Variants in NETO1 observed in about 807,000 individuals in gnomAD.
The protein encoded by NETO1 is neuropilin and tolloid like 1.
Under a neutral mutation model 61.3 loss-of-function variants are expected in NETO1, and 26 were observed. The ratio of observed to expected loss-of-function variants is 0.42; its 90% CI spans 0.31 to 0.59. NETO1 has a LOEUF of 0.59. NETO1 is among the 20% of genes least tolerant of loss of function. The pLI is 0.12. For missense variants in NETO1, 531 were observed against 662.8 expected (o/e 0.80, Z 2.18); for synonymous variants, 225 against 225.8 (o/e 1.00, Z 0.03).
intron 7 of NETO1, among the ~76,000 whole-genome samples, chr18:72,774,230 G>A (rs2071471021): frequency 6.6e-6 from 1 of 152,098 alleles, no homozygotes; most frequent in Non-Finnish European, 1.5e-5. Context: ...ATCAAAACTA[G>A]TTATAACTCA....
chr18:72,825,331 C>A (rs1332848522), intron 4 of NETO1, among the ~76,000 whole-genome samples: 3 of 152,178 alleles, frequency 2.0e-5, no homozygotes, highest in Non-Finnish European at 4.4e-5. Flanking sequence ...TTTTCCTAAA[C>A]ATTGGCCTAT....
At chr18:72,800,107 C>T (rs1033726973) in intron 4 of NETO1, among the ~76,000 whole-genome samples, 1 of 152,242 alleles carries the variant, frequency 6.6e-6, no homozygotes, top group Non-Finnish European at 1.5e-5. Flanking sequence ...GAGCACCCAT[C>T]TCAGCTTTCA....
intron 4 of NETO1, among the ~76,000 whole-genome samples, chr18:72,853,080 C>T (rs1211720907): frequency 6.6e-6 from 1 of 152,066 alleles, no homozygotes; most frequent in Non-Finnish European, 1.5e-5. Flanking sequence ...GGTGATCCAC[C>T]CGCCTCAGCC....
intron 4 of NETO1, among the ~76,000 whole-genome samples, chr18:72,846,809 C>T (rs1440509163): frequency 6.6e-6 from 1 of 152,158 alleles, no homozygotes; most frequent in East Asian, 1.9e-4. Flanking sequence ...ATTTTATGCC[C>T]ATGGAAATTC....
At chr18:72,807,737 CACACACACACACACACA>C (rs1477125536) in intron 4 of NETO1, among the ~76,000 whole-genome samples, 3 of 55,008 alleles carry the variant, frequency 5.5e-5, no homozygotes, top group East Asian at 9.6e-4. Context: ...CACACACACA[CACACACACACACACACA>C]CCCATACTGT....
chr18:72,844,203 C>T (rs1472736081), intron 4 of NETO1, among the ~76,000 whole-genome samples: 1 of 151,918 alleles, frequency 6.6e-6, no homozygotes. Context: ...TTTCTCAACA[C>T]ACAGACTTCA....
rs57843277 is a variant in NETO1 at position 72,764,744 on chromosome 18, C to A, written c.869-8597G>T. ...TAAGCAAAATGATTATCACCCTCTTCCTCTTATCCACATTTTCCTTTTTAA... is the reference window on the plus strand; with the variant it reads ...TAAGCAAAATGATTATCACCCTCTTACTCTTATCCACATTTTCCTTTTTAA... On this transcript the variant is annotated intron_variant, in intron 7 of 10. Coordinates refer to ENST00000327305, the MANE Select transcript of NETO1 (RefSeq NM_138966.5). Among the ~76,000 whole-genome samples, 977 of 152,260 alleles carry A rather than the reference C, an allele frequency of 6.4e-3. 13 individuals carry two copies. The highest frequency in any genetic ancestry group is 0.022 in the African/African-American group (896 of 41,548).
intron 7 of NETO1, among the ~76,000 whole-genome samples, chr18:72,781,222 G>A (rs1421615664): frequency 1.3e-5 from 2 of 151,910 alleles, no homozygotes; most frequent in East Asian, 1.9e-4. Flanking sequence ...ATATTAGCTT[G>A]CCCTTCCAAA....
rs2073554109 is a variant in NETO1, at chr18:72,830,895, T to C, written c.469+27931A>G. 6.6e-6 allele frequency among the ~76,000 whole-genome samples: 1 copy of C among 152,180 alleles called. No homozygotes were observed. The highest frequency in any genetic ancestry group is 2.4e-5 in the African/African-American group (1 of 41,440). ...ATTTTCTTCTCTGAACATTGAGTTT[T>C]CATTTACCACTGCAGGAAAAACTGT... On this transcript the variant is annotated intron_variant, in intron 4 of 10. Transcript: ENST00000327305. This position sits in a 1 kb window ranked among gnomAD's most constrained non-coding sequence, Gnocchi z 4.9.
Position 72,810,911 on chromosome 18 carries a change from C to G in NETO1, c.470-16507G>C, listed in dbSNP as rs17086348. On this transcript the variant is annotated intron_variant, in intron 4 of 10. Coordinates refer to ENST00000327305, the MANE Select transcript of NETO1 (RefSeq NM_138966.5). ...GTTAGAGAGGAAGATTTATGGGATG[C>G]CTTCTGCTTTACTGCTTTTAGACTT... 8.3e-3 allele frequency among the ~76,000 whole-genome samples: 1,263 copies of G among 152,216 alleles called. 31 individuals are homozygous for G. The East Asian group carries it at 0.092, about 11-fold the overall frequency.
chr18:72,865,014 A>C, intron 2 of NETO1, 69 bp from the exon 3 acceptor site: 1 of 1,513,258 alleles, frequency 6.6e-7, no homozygotes, highest in South Asian at 1.2e-5. Context: ...AAAATAGAGG[A>C]CATTCTTATA....
intron 4 of NETO1, among the ~76,000 whole-genome samples, chr18:72,828,204 G>A (rs961451661): frequency 6.6e-6 from 1 of 152,046 alleles, no homozygotes; most frequent in Non-Finnish European, 1.5e-5. Context: ...TTAGCTACTC[G>A]GGAAGCTGAC....
At chr18:72,813,919 G>C (rs1277881268) in intron 4 of NETO1, among the ~76,000 whole-genome samples, 1 of 152,002 alleles carries the variant, frequency 6.6e-6, no homozygotes, top group Non-Finnish European at 1.5e-5. Flanking sequence ...ACACTATGCA[G>C]AGAAAAAGAG....
At position 72,831,987 on chromosome 18, in the gene NETO1, C is replaced by G. The variant is rs559564113; in HGVS notation, c.469+26839G>C. Reference sequence around the variant, plus strand: ...TGTAGCATAGTTTGAGTTAAAGGCCCTTACTTCCTTAAAGTGATGTACTTA... The same window carrying G: ...TGTAGCATAGTTTGAGTTAAAGGCCGTTACTTCCTTAAAGTGATGTACTTA... On this transcript the variant is annotated intron_variant, in intron 4 of 10. Transcript: ENST00000327305. 5.9e-5 allele frequency among the ~76,000 whole-genome samples: 9 copies of G among 151,728 alleles called. No individual in the cohort carries two copies. In the East Asian group the frequency reaches 1.7e-3, roughly 29 times the overall value.
Position 72,809,941 on chromosome 18 carries a change from A to G in NETO1, c.470-15537T>C, listed in dbSNP as rs147133335. 2.2e-3 allele frequency among the ~76,000 whole-genome samples: 331 copies of G among 152,330 alleles called. 2 individuals carry two copies. The highest frequency in any genetic ancestry group is 4.5e-3 in the Admixed American group (69 of 15,308). ...TATGCTAGGTGCGCAAGTCCCTTTT[A>G]CGTCTATTTAGCTCGAAAATAATAC... On this transcript the variant is annotated intron_variant, in intron 4 of 10. Transcript: ENST00000327305.
At chr18:72,786,504 C>A (rs1040343955) in intron 6 of NETO1, among the ~76,000 whole-genome samples, 1 of 152,162 alleles carries the variant, frequency 6.6e-6, no homozygotes, top group Non-Finnish European at 1.5e-5. Context: ...AGTTGGAAGT[C>A]ATTCTAAAAT....
chr18:72,852,940 C>T (rs2074298098), intron 4 of NETO1, among the ~76,000 whole-genome samples: 2 of 148,558 alleles, frequency 1.3e-5, no homozygotes. Context: ...TCAAGCAATT[C>T]TCTCGCCTCA....
chr18:72,857,081 G>C (rs912141978), intron 4 of NETO1, among the ~76,000 whole-genome samples: 2 of 152,184 alleles, frequency 1.3e-5, no homozygotes, highest in African/African-American at 4.8e-5. Context: ...AACTTTTGCT[G>C]TCATGTAAGT....
chr18:72,840,357 A>G (rs2073890823), intron 4 of NETO1, among the ~76,000 whole-genome samples: 1 of 152,218 alleles, frequency 6.6e-6, no homozygotes, highest in Non-Finnish European at 1.5e-5. Flanking sequence ...CATTTGCTAC[A>G]TGCGGGCAGT....
Sources: allele counts gnomAD v4.1 joint callset (sites outside exome capture counted in the v4.1 genomes callset), GRCh38; gene constraint gnomAD v4.1.1; non-coding constraint Gnocchi (gnomAD v3.1); transcripts MANE v1.5; gene names NCBI Gene and HGNC (gene_info 2026-07-23, HGNC 2026-07-21).